The following CTNNA1 variants were observed in gnomAD, a reference collection of about 807,000 sequenced individuals.
The protein encoded by CTNNA1 is catenin alpha-1.
Under a neutral mutation model 98.4 loss-of-function variants are expected in CTNNA1, and 37 were observed. The observed-to-expected ratio is 0.38, with a 90% CI of 0.29 to 0.49. The LOEUF (loss-of-function observed/expected upper bound fraction) is 0.49, where lower values mean the gene tolerates loss of function less well. Among genes scored for constraint, CTNNA1 ranks in the 20% least tolerant of loss-of-function variants. The pLI, the probability that CTNNA1 is intolerant of heterozygous loss-of-function variation, is 0.95. For synonymous variants in CTNNA1, 404 were observed against 413.2 expected (o/e 0.98, Z 0.27); for missense variants, 761 against 1,147.2 (o/e 0.66, Z 4.86).
At chr5:138,890,625 G>A (rs1755134424) in intron 9 of CTNNA1, among the ~76,000 whole-genome samples, 1 of 152,144 alleles carries the variant, frequency 6.6e-6, no homozygotes, top group African/African-American at 2.4e-5. Flanking sequence ...TCACATTGAT[G>A]TTTCACCAAC....
At chr5:138,811,484 G>A (rs1228764703) in intron 4 of CTNNA1, among the ~76,000 whole-genome samples, 1 of 4,076 alleles carries the variant, frequency 2.5e-4, no homozygotes. Context: ...GGGTGGCCAG[G>A]GCAGAGACGC....
intron 7 of CTNNA1, among the ~76,000 whole-genome samples, chr5:138,838,488 A>G (rs1264152912): frequency 6.6e-6 from 1 of 152,030 alleles, no homozygotes; most frequent in East Asian, 1.9e-4. Context: ...AAGTTTATCA[A>G]TTCTAGTGAT....
chr5:138,767,433 T>C (rs1753058848), intron 1 of CTNNA1, among the ~76,000 whole-genome samples: 1 of 152,218 alleles, frequency 6.6e-6, no homozygotes, highest in Non-Finnish European at 1.5e-5. Context: ...TGGTGTTCTT[T>C]GGCGCCATTG....
intron 10 of CTNNA1, among the ~76,000 whole-genome samples, chr5:138,913,076 T>C (rs550653601): frequency 9.2e-5 from 14 of 152,150 alleles, no homozygotes; most frequent in Non-Finnish European, 1.8e-4. Context: ...TTTTTAACTT[T>C]CGTTCAGTTT....
Position 138,932,583 on chromosome 5 carries a change from C to T in CTNNA1, c.2304C>T (p.Pro768=), listed in dbSNP as rs147022694. 111 of 1,614,082 alleles carry T rather than the reference C, an allele frequency of 6.9e-5. 2 individuals are homozygous for T. The South Asian group carries it at 1.0e-3, about 15-fold the overall frequency. The part of the protein sequence containing the change: ...KLGRTIADHC[P]DSACKQDLLA... Reference sequence around the variant, plus strand: ...TAAGCCTGCTCTCTCTTCAGTGCCCCGACTCGGCTTGCAAGCAGGACCTGC... The same window carrying T: ...TAAGCCTGCTCTCTCTTCAGTGCCCTGACTCGGCTTGCAAGCAGGACCTGC... Residue 768 remains proline (P), a synonymous_variant, in exon 17 of 18, where the codon CCC becomes CCT. Coordinates refer to ENST00000302763, the MANE Select transcript of CTNNA1 (RefSeq NM_001903.5).
intron 7 of CTNNA1, among the ~76,000 whole-genome samples, chr5:138,862,801 A>G (rs1046901428): frequency 2.0e-5 from 3 of 152,222 alleles, no homozygotes; most frequent in South Asian, 2.1e-4. Flanking sequence ...AATACTGCAC[A>G]TTAACTTAGA....
At chr5:138,825,482 G>GTTTTTTTTGTTT (rs1760586558) in intron 6 of CTNNA1, among the ~76,000 whole-genome samples, 1 of 74,114 alleles carries the variant, frequency 1.3e-5, no homozygotes, top group African/African-American at 5.8e-5. Context: ...AGCAGTATAA[G>GTTTTTTTTGTTT]TTTTTTTTTT....
At chr5:138,756,877 G>C (rs921145877) in intron 1 of CTNNA1, among the ~76,000 whole-genome samples, 2 of 152,116 alleles carry the variant, frequency 1.3e-5, no homozygotes, top group Non-Finnish European at 2.9e-5. Context: ...GAAGGGAGCT[G>C]TATTTTGGAG....
intron 1 of CTNNA1, among the ~76,000 whole-genome samples, chr5:138,756,494 G>A (rs1751663565): frequency 1.3e-5 from 2 of 152,110 alleles, no homozygotes; most frequent in South Asian, 4.1e-4. Context: ...ACTCACTGTG[G>A]GGCATAACAG....
At chr5:138,845,428 G>A (rs1762624822) in intron 7 of CTNNA1, among the ~76,000 whole-genome samples, 1 of 152,216 alleles carries the variant, frequency 6.6e-6, no homozygotes, top group Admixed American at 6.5e-5. Context: ...AGCAAAGTTG[G>A]AATTGGAGCC....
intron 7 of CTNNA1, among the ~76,000 whole-genome samples, chr5:138,865,462 A>C (rs28363434): frequency 3.3e-5 from 5 of 152,350 alleles, no homozygotes; most frequent in Non-Finnish European, 7.3e-5. Context: ...AGCTGGCTCC[A>C]TTTTATAAAT....
chr5:138,861,234 T>TG (rs1208975367), intron 7 of CTNNA1, among the ~76,000 whole-genome samples: 1 of 152,132 alleles, frequency 6.6e-6, no homozygotes, highest in Non-Finnish European at 1.5e-5. Flanking sequence ...TGGGCCAGGC[T>TG]GGTCTCGAAC....
intron 6 of CTNNA1, among the ~76,000 whole-genome samples, chr5:138,826,999 T>A (rs907970385): frequency 2.0e-5 from 3 of 152,204 alleles, no homozygotes; most frequent in Non-Finnish European, 2.9e-5. Context: ...CCTAGGCTGG[T>A]GTTCAACTGG....
chr5:138,853,208 A>G (rs1400356838), intron 7 of CTNNA1, among the ~76,000 whole-genome samples: 1 of 151,856 alleles, frequency 6.6e-6, no homozygotes, highest in Non-Finnish European at 1.5e-5. Context: ...CGGCCTCCCA[A>G]AGTGCTTGGG....
At chr5:138,920,995 C>T (rs1293615071) in intron 11 of CTNNA1, among the ~76,000 whole-genome samples, 2 of 152,082 alleles carry the variant, frequency 1.3e-5, no homozygotes, top group East Asian at 3.8e-4. Flanking sequence ...GTGACAGTCG[C>T]ACTTGCATAG....
At chr5:138,775,010 A>G (rs1197558035) in intron 1 of CTNNA1, among the ~76,000 whole-genome samples, 2 of 152,216 alleles carry the variant, frequency 1.3e-5, no homozygotes, top group Admixed American at 6.5e-5. Flanking sequence ...GTTCAAGAAA[A>G]AAATGAAAGT....
chr5:138,760,819 A>G (rs777880548), intron 1 of CTNNA1, among the ~76,000 whole-genome samples: 24 of 152,108 alleles, frequency 1.6e-4, no homozygotes, highest in Admixed American at 6.6e-4. Context: ...TTCTTGATCT[A>G]TTGTCTGAGT....
rs200572030 is a variant in CTNNA1 at position 138,933,310 on chromosome 5, G to A, written c.2434-492G>A. 2.6e-5 allele frequency among the ~76,000 whole-genome samples: 4 copies of A among 152,142 alleles called. No homozygotes were observed. The East Asian group carries it at 7.7e-4, about 29-fold the overall frequency. ...GAGGCCTTTCTCACCTAGGGCAGGG[G>A]AAAGAAGAGGTTTGCTGAGTGGATT... On this transcript the variant is annotated intron_variant, in intron 17 of 17. Transcript: ENST00000302763.
chr5:138,799,265 A>AT (rs1241368502), intron 3 of CTNNA1, among the ~76,000 whole-genome samples: 2 of 152,076 alleles, frequency 1.3e-5, no homozygotes, highest in Admixed American at 6.6e-5. Flanking sequence ...GGTTCAGGCA[A>AT]TTCTCCTGCC....
Sources: allele counts gnomAD v4.1 joint callset (sites outside exome capture counted in the v4.1 genomes callset), GRCh38; gene constraint gnomAD v4.1.1; transcripts MANE v1.5; gene names NCBI Gene and HGNC (gene_info 2026-07-23, HGNC 2026-07-21).